Variants in SDHC observed in about 807,000 individuals in gnomAD.
The protein encoded by SDHC is succinate dehydrogenase complex subunit C.
SDHC carries 11 observed loss-of-function variants against 22.6 expected under a neutral mutation model. The observed-to-expected ratio is 0.49, with a 90% CI of 0.31 to 0.81. The LOEUF (loss-of-function observed/expected upper bound fraction) is 0.81, where lower values mean the gene tolerates loss of function less well. Among genes scored for constraint, SDHC ranks in the 30% least tolerant of loss-of-function variants. The pLI is 0.05. For missense variants in SDHC, 160 were observed against 212.0 expected, an observed-to-expected ratio of 0.75 and a Z score of 1.52; for synonymous variants, 80 against 77.8, an observed-to-expected ratio of 1.03 and a Z score of -0.15.
At chr1:161,343,114 A>G (rs1671778817) in intron 4 of SDHC, among the ~76,000 whole-genome samples, 1 of 152,214 alleles carries the variant, frequency 6.6e-6, no homozygotes, top group Admixed American at 6.5e-5. Flanking sequence ...CTTTCGAGGT[A>G]GGAAAGGGAG....
At chr1:161,327,865 T>C (rs1014606876) in intron 2 of SDHC, among the ~76,000 whole-genome samples, 1 of 151,972 alleles carries the variant, frequency 6.6e-6, no homozygotes, top group South Asian at 2.1e-4. Context: ...CGTGGCCTAT[T>C]ATTTTATTTT....
intron 1 of SDHC, among the ~76,000 whole-genome samples, chr1:161,317,291 G>A (rs1315879613): frequency 6.6e-6 from 1 of 151,802 alleles, no homozygotes; most frequent in Non-Finnish European, 1.5e-5. Context: ...GCCTCCCAAA[G>A]TGCTGAGATT....
chr1:161,347,323 C>T (rs1420294543), intron 4 of SDHC, among the ~76,000 whole-genome samples: 1 of 152,000 alleles, frequency 6.6e-6, no homozygotes, highest in Non-Finnish European at 1.5e-5. Context: ...GGCACGATCT[C>T]GGCTCACTGC....
intron 1 of SDHC, among the ~76,000 whole-genome samples, chr1:161,316,234 C>T (rs998051853): frequency 2.0e-5 from 3 of 152,120 alleles, no homozygotes; most frequent in African/African-American, 7.2e-5. Flanking sequence ...AGACCCTTTA[C>T]GGGGGTCTGG....
intron 4 of SDHC, among the ~76,000 whole-genome samples, chr1:161,355,756 G>A (rs933292292): frequency 6.6e-5 from 10 of 152,108 alleles, no homozygotes; most frequent in Non-Finnish European, 2.9e-5. Flanking sequence ...GGCTGAGGTG[G>A]GCGAATCACT....
intron 1 of SDHC, among the ~76,000 whole-genome samples, chr1:161,316,492 A>C (rs1049605038): frequency 6.6e-6 from 1 of 152,218 alleles, no homozygotes; most frequent in Admixed American, 6.5e-5. Context: ...GACACAGCAC[A>C]TGTCTAAGGG....
At chr1:161,343,611 G>C (rs2102342269) in intron 4 of SDHC, among the ~76,000 whole-genome samples, 1 of 152,168 alleles carries the variant, frequency 6.6e-6, no homozygotes, top group South Asian at 2.1e-4. Context: ...TCAAGATTAG[G>C]CTATTCTAAC....
chr1:161,359,726 G>C (rs1043784550), intron 5 of SDHC, among the ~76,000 whole-genome samples: 2 of 152,144 alleles, frequency 1.3e-5, no homozygotes, highest in African/African-American at 4.8e-5. Context: ...AGCAAGTACT[G>C]GCTGTGAGTG....
At chr1:161,331,014 A>G (rs1009551614) in intron 3 of SDHC, among the ~76,000 whole-genome samples, 58 of 148,338 alleles carry the variant, frequency 3.9e-4, no homozygotes, top group South Asian at 2.4e-3. Context: ...AAAAAAAAAA[A>G]AGAGAACCTT....
intron 4 of SDHC, among the ~76,000 whole-genome samples, chr1:161,350,082 G>A (rs1672050690): frequency 1.3e-5 from 2 of 152,074 alleles, no homozygotes; most frequent in Admixed American, 6.6e-5. Context: ...GGTTAATTTT[G>A]TATTTTTAGT....
chr1:161,344,483 G>T (rs1383305849), intron 4 of SDHC, among the ~76,000 whole-genome samples: 3 of 151,344 alleles, frequency 2.0e-5, no homozygotes, highest in Admixed American at 1.3e-4. Context: ...GAAAAAAGTT[G>T]TTTTTTTTCT....
At chr1:161,349,936 G>A (rs1401589155) in intron 4 of SDHC, among the ~76,000 whole-genome samples, 1 of 152,052 alleles carries the variant, frequency 6.6e-6, no homozygotes, top group Non-Finnish European at 1.5e-5. Context: ...TTGAGACCAA[G>A]TTTCGCTCTT....
chr1:161,323,489 A>G (rs951379549), intron 1 of SDHC, 125 bp from the exon 2 acceptor site: 13 of 733,970 alleles, frequency 1.8e-5, no homozygotes, highest in Non-Finnish European at 2.7e-5. Flanking sequence ...TATCAAGGAC[A>G]CTGATACTGT....
chr1:161,331,240 G>A (rs1416700831), intron 3 of SDHC, among the ~76,000 whole-genome samples: 3 of 151,642 alleles, frequency 2.0e-5, no homozygotes, highest in East Asian at 1.9e-4. Flanking sequence ...ACATGGCCAC[G>A]CCCTGACTTT....
At chr1:161,360,900 G>A (rs1249866481) in intron 5 of SDHC, among the ~76,000 whole-genome samples, 1 of 152,100 alleles carries the variant, frequency 6.6e-6, no homozygotes, top group Non-Finnish European at 1.5e-5. Flanking sequence ...ATCACTTGAG[G>A]TCAAGAGTTT....
At chr1:161,356,967 A>G (rs888007253) in intron 5 of SDHC, 127 bp downstream of exon 5, 31 of 977,712 alleles carry the variant, frequency 3.2e-5, no homozygotes, top group South Asian at 1.6e-4. Flanking sequence ...GTCTCGCTCT[A>G]TTGCCCAGGC....
intron 1 of SDHC, among the ~76,000 whole-genome samples, chr1:161,317,415 A>G (rs532447487): frequency 6.6e-6 from 1 of 152,060 alleles, no homozygotes; most frequent in African/African-American, 2.4e-5. Context: ...GGTGTACAAC[A>G]CGATGTTTTG....
chr1:161,327,328 TG>T (rs1267588667), intron 2 of SDHC, among the ~76,000 whole-genome samples: 1 of 152,212 alleles, frequency 6.6e-6, no homozygotes, highest in East Asian at 1.9e-4. Flanking sequence ...ATTATTCTAT[TG>T]ATTTAAAGAA....
At chr1:161,343,837 A>T (rs921009190) in intron 4 of SDHC, among the ~76,000 whole-genome samples, 6 of 152,180 alleles carry the variant, frequency 3.9e-5, no homozygotes, top group Admixed American at 1.3e-4. Flanking sequence ...TGAAAAAAAG[A>T]TACTGACTTT....
Sources: gnomAD v4.1 joint callset for allele counts (sites outside exome capture counted in the v4.1 genomes callset) on GRCh38, gnomAD v4.1.1 for gene constraint, MANE v1.5 for transcripts, NCBI Gene and HGNC (gene_info 2026-07-23, HGNC 2026-07-21) for gene names.